Variants in COG8 observed in about 807,000 individuals in gnomAD.
COG8 encodes component of oligomeric golgi complex 8.
In COG8, 45 loss-of-function variants were observed where a neutral mutation model predicts 46.5. The ratio of observed to expected loss-of-function variants is 0.97; its 90% CI spans 0.76 to 1.24. The LOEUF (loss-of-function observed/expected upper bound fraction) is 1.24. Ranked by LOEUF, COG8 falls within the 50% of genes most tolerant of loss-of-function variation. COG8 has a pLI of 0.00. For missense variants in COG8, 793 were observed against 820.8 expected (o/e 0.97, Z 0.41); for synonymous variants, 407 against 347.8 (o/e 1.17, Z -1.90).
intron 4 of COG8, among the ~76,000 whole-genome samples, chr16:69,331,852 G>C (rs1025372308): frequency 1.3e-5 from 2 of 152,156 alleles, no homozygotes; most frequent in African/African-American, 2.4e-5. Flanking sequence ...ACAGGGAATG[G>C]GAAGCTATAC....
intron 1 of COG8, chr16:69,338,433 TG>T (rs2143372668): frequency 6.6e-6 from 1 of 152,238 alleles, no homozygotes; most frequent in East Asian, 1.9e-4. Flanking sequence ...TTCCCGTCAA[TG>T]GAAGTTTTGA....
rs936046076 is a variant in COG8 at position 69,329,909 on chromosome 16, T to C, written c.*27-730A>G. The C allele has an allele frequency of 3.6e-6, 5 of 1,398,980 alleles. No homozygotes were observed. In the African/African-American group the frequency reaches 7.6e-5, roughly 21 times the overall value. The allele number at this position is 1,398,980 out of a possible 1,614,324, so 86.7% of individuals were successfully genotyped here. On this transcript the variant is annotated intron_variant, in intron 5 of 5. Coordinates refer to ENST00000306875, the MANE Select transcript of COG8 (RefSeq NM_032382.5). ...TCGCTCCTGCGGGAGGTCCGGCGTA[T>C]GAACCGCGACCACTTCTGCGCTCTC...
At position 69,329,058 on chromosome 16, in the gene COG8, C is replaced by T; in HGVS notation, c.*148G>A. On this transcript the variant is annotated 3_prime_UTR_variant, in exon 6 of 6. Coordinates refer to ENST00000306875, the MANE Select transcript of COG8 (RefSeq NM_032382.5). ...CCTTCATCCAATAGACGTTTGTGAA[C>T]GTCCTGCTGTCCATTTTGTCAATAA... 1 of 1,611,668 alleles carries T rather than the reference C, an allele frequency of 6.2e-7. No individual in the cohort carries two copies. The highest frequency in any genetic ancestry group is 1.1e-5 in the South Asian group (1 of 90,728).
Position 69,329,054 on chromosome 16 carries a change from T to G in COG8, c.*152A>C. ...TTCACCTTCATCCAATAGACGTTTGTGAACGTCCTGCTGTCCATTTTGTCA... is the reference window on the plus strand; with the variant it reads ...TTCACCTTCATCCAATAGACGTTTGGGAACGTCCTGCTGTCCATTTTGTCA... On this transcript the variant is annotated 3_prime_UTR_variant, in exon 6 of 6. Coordinates refer to ENST00000306875, the MANE Select transcript of COG8 (RefSeq NM_032382.5). 6.2e-7 allele frequency: 1 copy of G among 1,611,526 alleles called. No individual in the cohort carries two copies. The highest frequency in any genetic ancestry group is 1.3e-5 in the African/African-American group (1 of 75,024).
chr16:69,336,152 C>G (rs538311937), intron 2 of COG8, among the ~76,000 whole-genome samples: 1 of 152,286 alleles, frequency 6.6e-6, no homozygotes, highest in East Asian at 1.9e-4. Flanking sequence ...CTTGATCACC[C>G]TACCTAAAGA....
chr16:69,329,020 C>T lies in COG8; in HGVS notation c.*186G>A. ...GGAATCCTCAGCCCCAGTAGCAAAG[C>T]TTTAGTCATTCACCTTCATCCAATA... On this transcript the variant is annotated 3_prime_UTR_variant, in exon 6 of 6. Coordinates refer to ENST00000306875, the MANE Select transcript of COG8 (RefSeq NM_032382.5). 4.4e-6 allele frequency: 7 copies of T among 1,606,160 alleles called. No homozygotes were observed. The highest frequency in any genetic ancestry group is 2.3e-5 in the East Asian group (1 of 44,308).
chr16:69,339,323 T>C lies in COG8; in HGVS notation c.230A>G (p.Gln77Arg). 6.2e-7 allele frequency: 1 copy of C among 1,608,876 alleles called. No individual in the cohort carries two copies. Among genetic ancestry groups the C allele is most frequent in the Non-Finnish European group, 8.5e-7 (1 of 1,178,732 alleles). Residue 77 changes from glutamine to arginine, a missense_variant, in exon 1 of 6, where the codon CAG becomes CGG. Physicochemically the swap from Gln to Arg is conservative, Grantham distance 43 (BLOSUM62 1). Transcript: ENST00000306875. ...RLAEERAQLL[Q>R]QTRDLAFANY... is the part of the protein sequence containing the mutation. ...AGCGAAGGCCAAGTCGCGCGTCTGCTGCAGCAGCTGCGCCCGCTCCTCCGC... is the reference window on the plus strand; with the variant it reads ...AGCGAAGGCCAAGTCGCGCGTCTGCCGCAGCAGCTGCGCCCGCTCCTCCGC...
intron 4 of COG8, 75 bp from the exon 5 acceptor site, chr16:69,331,170 G>A (rs2011801210): frequency 1.3e-6 from 2 of 1,540,428 alleles, no homozygotes; most frequent in Non-Finnish European, 1.8e-6. Context: ...AAGGGAGGCC[G>A]GGCGCGGTGG....
At chr16:69,336,752 G>C (rs1195998742) in intron 1 of COG8, 40 bp from the exon 2 acceptor site, 1 of 1,568,330 alleles carries the variant, frequency 6.4e-7, no homozygotes, top group Non-Finnish European at 8.8e-7. Context: ...TCACTGCTCT[G>C]TACCCAAACC....
At chr16:69,330,421 G>A (rs1487217127) in intron 5 of COG8, 7 of 1,476,678 alleles carry the variant, frequency 4.7e-6, no homozygotes, top group Non-Finnish European at 6.2e-6. Context: ...GCCTCAGGTG[G>A]CGCCAATAGG....
intron 3 of COG8, among the ~76,000 whole-genome samples, chr16:69,334,284 C>T (rs1661640774): frequency 1.3e-5 from 2 of 152,198 alleles, no homozygotes; most frequent in South Asian, 4.1e-4. Context: ...TTATGCAGCA[C>T]TAGAAAGCTA....
At chr16:69,336,437 C>T in intron 2 of COG8, 68 bp downstream of exon 2, 1 of 1,468,368 alleles carries the variant, frequency 6.8e-7, no homozygotes, top group Admixed American at 1.8e-5. Context: ...CCTAAAGCTT[C>T]AGTCCTGACC....
intron 2 of COG8, 113 bp downstream of exon 2, chr16:69,336,392 G>T: frequency 1.1e-6 from 1 of 937,624 alleles, no homozygotes; most frequent in Non-Finnish European, 1.7e-6. Flanking sequence ...ATACCTGGCT[G>T]GCAGAAACTG....
intron 1 of COG8, among the ~76,000 whole-genome samples, chr16:69,337,860 C>T (rs11645549): frequency 6.6e-6 from 1 of 151,916 alleles, no homozygotes; most frequent in African/African-American, 2.4e-5. Flanking sequence ...CTCAGCCTCC[C>T]GAGTAGCTGG....
rs1422794617 is a variant in COG8, at chr16:69,339,281, A to G, written c.272T>C (p.Ile91Thr). The G allele has an allele frequency of 1.2e-6, 2 of 1,612,354 alleles. No individual in the cohort carries two copies. The highest frequency in any genetic ancestry group is 1.7e-6 in the Non-Finnish European group (2 of 1,179,728). ...GCGCTCGGTGCACTCGGCGCCGCGG[A>G]TGAAGGTCTTGTAGTTAGCGAAGGC... Reference protein sequence around the residue: ...DLAFANYKTFIRGAECTERIH... With the variant: ...DLAFANYKTFTRGAECTERIH... Residue 91 changes from isoleucine (I) to threonine (T), a missense_variant, in exon 1 of 6, where the codon ATC (isoleucine) becomes ACC (threonine). Ile to Thr is a moderately conservative substitution (Grantham distance 89). Transcript: ENST00000306875.
chr16:69,330,576 C>T (rs1210504802), intron 5 of COG8: 2 of 1,454,320 alleles, frequency 1.4e-6, no homozygotes, highest in Non-Finnish European at 9.0e-7. Context: ...GCCATGGCGG[C>T]CCCCTTAACA....
chr16:69,331,213 CGGGGAG>C lies in COG8; in HGVS notation c.1583-124_1583-119del, dbSNP rs1167538736. On this transcript the variant is annotated intron_variant, in intron 4 of 5. Transcript: ENST00000306875. ...CTGTAATCCCAGCACTTTGGGAGGC[CGGGGAG>C]GGGGGGGCGGATCACCTGAGGTCAG... 276 of 1,001,558 alleles carry C rather than the reference CGGGGAG, an allele frequency of 2.8e-4. No homozygotes were observed. The East Asian group carries it at 7.5e-3, about 27-fold the overall frequency. 62.0% of individuals were successfully genotyped at this position (1,001,558 alleles called of 1,614,324 possible).
In COG8 at chr16:69,330,973, C is replaced by G; in HGVS notation, c.1705G>C (p.Ala569Pro). Residue 569 changes from alanine (A) to proline (P), a missense_variant, in exon 5 of 6, where the codon GCG (alanine) becomes CCG (proline). Physicochemically the swap from Ala to Pro is conservative, Grantham distance 27. Transcript: ENST00000306875. ...RETLFTLDDQ[A>P]LGPELTAPAP... ...GGAGCTGTGAGCTCGGGCCCCAGCG[C>G]CTGGTCATCCAGGGTGAAAAGCGTC... The G allele has an allele frequency of 2.5e-6, 4 of 1,596,812 alleles. No individual in the cohort carries two copies. Among genetic ancestry groups the G allele is most frequent in the Non-Finnish European group, 3.4e-6 (4 of 1,172,294 alleles).
chr16:69,330,271 G>T, intron 5 of COG8: 2 of 1,439,082 alleles, frequency 1.4e-6, no homozygotes, highest in Non-Finnish European at 1.8e-6. Context: ...GCATCACCTG[G>T]ACCAGCCGTT....
Sources: allele counts gnomAD v4.1 joint callset (sites outside exome capture counted in the v4.1 genomes callset), GRCh38; gene constraint gnomAD v4.1.1; transcripts MANE v1.5; gene names NCBI Gene and HGNC (gene_info 2026-07-23, HGNC 2026-07-21).